Variants in PSTPIP2 observed in about 807,000 individuals in gnomAD.
PSTPIP2 encodes the protein proline-serine-threonine phosphatase-interacting protein 2.
In PSTPIP2, 33 loss-of-function variants were observed where a neutral mutation model predicts 63.3. The ratio of observed to expected loss-of-function variants is 0.52; its 90% CI spans 0.40 to 0.70. The LOEUF (loss-of-function observed/expected upper bound fraction) is 0.70. Ranked by LOEUF, PSTPIP2 falls within the 30% of genes least tolerant of loss-of-function variation. PSTPIP2 has a pLI of 0.00. For missense variants in PSTPIP2, 312 were observed against 400.7 expected (o/e 0.78, Z 1.89); for synonymous variants, 125 against 132.7 (o/e 0.94, Z 0.40).
chr18:46,027,306 AAAT>A (rs869288428), intron 2 of PSTPIP2, among the ~76,000 whole-genome samples: 1 of 45,718 alleles, frequency 2.2e-5, no homozygotes, highest in East Asian at 4.8e-4. Context: ...AAAAATAAAT[AAAT>A]AAATAAATAA....
chr18:46,070,762 C>G (rs1212156792), intron 1 of PSTPIP2, among the ~76,000 whole-genome samples: 1 of 152,146 alleles, frequency 6.6e-6, no homozygotes, highest in African/African-American at 2.4e-5. Flanking sequence ...TCAAGCAATC[C>G]TCCTACCTCG....
chr18:46,029,096 A>G (rs1249544234), intron 2 of PSTPIP2: 4 of 818,538 alleles, frequency 4.9e-6, no homozygotes. Flanking sequence ...AAAGGTTTCC[A>G]AACTGTAAGG....
chr18:46,005,415 G>A, intron 6 of PSTPIP2, 54 bp downstream of exon 6: 1 of 1,407,860 alleles, frequency 7.1e-7, no homozygotes, highest in Non-Finnish European at 9.9e-7. Context: ...ACACAGCACA[G>A]GATTTCAGAA....
chr18:46,000,981 G>A, intron 6 of PSTPIP2, among the ~76,000 whole-genome samples: 1 of 152,136 alleles, frequency 6.6e-6, no homozygotes, highest in East Asian at 1.9e-4. Flanking sequence ...ATACACAATG[G>A]AACACTACTC....
chr18:46,058,171 C>A (rs1286451203), intron 1 of PSTPIP2, among the ~76,000 whole-genome samples: 1 of 151,994 alleles, frequency 6.6e-6, no homozygotes, highest in Admixed American at 6.6e-5. Context: ...TAGACAATTA[C>A]ACTTGCCTAC....
At chr18:46,016,067 G>C (rs1297814338) in intron 3 of PSTPIP2, 130 bp from the exon 4 acceptor site, 1 of 1,021,250 alleles carries the variant, frequency 9.8e-7, no homozygotes, top group African/African-American at 1.6e-5. Context: ...TTGCCCATGA[G>C]CTAGAGAGAC....
rs1018917978 is a variant in PSTPIP2, at chr18:46,032,122, T to G, written c.135-7436A>C. Among the ~76,000 whole-genome samples the G allele has an allele frequency of 5.3e-5, 8 of 152,330 alleles. No homozygotes were observed. The South Asian group carries it at 1.4e-3, about 28-fold the overall frequency. On this transcript the variant is annotated intron_variant, in intron 2 of 14. Transcript: ENST00000409746. Reference sequence around the variant, plus strand: ...CCTATCTGAATTTTTCTGTCTCATCTGATCATCAATTTGTCATTTACTGAA... The same window carrying G: ...CCTATCTGAATTTTTCTGTCTCATCGGATCATCAATTTGTCATTTACTGAA...
chr18:46,041,633 G>A (rs1239384748), intron 1 of PSTPIP2, among the ~76,000 whole-genome samples: 1 of 152,158 alleles, frequency 6.6e-6, no homozygotes, highest in Non-Finnish European at 1.5e-5. Context: ...AGTAGCCTCA[G>A]ATGCAGTACA....
intron 1 of PSTPIP2, among the ~76,000 whole-genome samples, chr18:46,056,533 T>G (rs1908761074): frequency 6.6e-6 from 1 of 151,962 alleles, no homozygotes; most frequent in Non-Finnish European, 1.5e-5. Flanking sequence ...TTGAGACTAG[T>G]CTGGGCCACA....
At chr18:46,023,725 A>G (rs910176496) in intron 3 of PSTPIP2, among the ~76,000 whole-genome samples, 12 of 152,008 alleles carry the variant, frequency 7.9e-5, no homozygotes, top group African/African-American at 2.4e-4. Flanking sequence ...ACCTCTGGGC[A>G]TCTCTGCTAT....
intron 1 of PSTPIP2, among the ~76,000 whole-genome samples, chr18:46,040,545 G>T (rs571838471): frequency 6.6e-6 from 1 of 152,194 alleles, no homozygotes; most frequent in African/African-American, 2.4e-5. Context: ...CCTCATTCCT[G>T]CCTTTAAAAA....
chr18:45,984,625 C>T lies in PSTPIP2; in HGVS notation c.*834G>A, dbSNP rs955929980. The T allele has an allele frequency of 7.2e-5, 11 of 152,124 alleles. No individual in the cohort carries two copies. Among genetic ancestry groups the T allele is most frequent in the East Asian group, 5.8e-4 (3 of 5,204 alleles). 9.4% of individuals were successfully genotyped at this position (152,124 alleles called of 1,614,324 possible). ...TGTCCCAAGTTTATTGGCAACTCCTCGACCCCACCTTCTTAGTGCAACATA... is the reference window on the plus strand; with the variant it reads ...TGTCCCAAGTTTATTGGCAACTCCTTGACCCCACCTTCTTAGTGCAACATA... On this transcript the variant is annotated 3_prime_UTR_variant, in exon 15 of 15. Transcript: ENST00000409746.
intron 6 of PSTPIP2, among the ~76,000 whole-genome samples, chr18:46,003,544 GA>G (rs2051692032): frequency 6.6e-6 from 1 of 152,112 alleles, no homozygotes; most frequent in African/African-American, 2.4e-5. Flanking sequence ...CTTTTGGTTA[GA>G]GAGAACAGGT....
Position 46,005,509 on chromosome 18 carries a change from A to C in PSTPIP2, c.377T>G (p.Ile126Ser), listed in dbSNP as rs1353276219. ...GAATTGTAAGCTCTTTTGTTTATGG[A>C]TAGCATCCATTATGAGCTCTGTCTG... ...RKKTELIMDA[I>S]HKQKSLQFKK... Residue 126 changes from isoleucine to serine, a missense_variant, in exon 6 of 15, where the codon ATC (isoleucine) becomes AGC (serine). Ile to Ser is a moderately radical substitution (Grantham distance 142). Transcript: ENST00000409746. The C allele has an allele frequency of 6.3e-7, 1 of 1,599,706 alleles. No homozygotes were observed.
In PSTPIP2 at chr18:46,024,643, AGAGGTT is replaced by A; in HGVS notation, c.172_177del (p.Asn58_Leu59del). ...GACTGTCCACACGGCTTCTTCCTAGAGAGGTTGAGCAGATCTTTGCCATACCTCTCT... is the reference window on the plus strand; with the variant it reads ...GACTGTCCACACGGCTTCTTCCTAGAGAGCAGATCTTTGCCATACCTCTCT... On this transcript the variant is annotated inframe_deletion, in exon 3 of 15. Coordinates refer to ENST00000409746, the MANE Select transcript of PSTPIP2 (RefSeq NM_024430.4). 6.2e-7 allele frequency: 1 copy of A among 1,614,152 alleles called. No homozygotes were observed. Among genetic ancestry groups the A allele is most frequent in the Non-Finnish European group, 8.5e-7 (1 of 1,180,004 alleles).
intron 3 of PSTPIP2, among the ~76,000 whole-genome samples, chr18:46,021,848 CAAAAAAAAAAAAAAAAA>C (rs59094808): frequency 3.0e-5 from 1 of 33,286 alleles, no homozygotes; most frequent in African/African-American, 8.9e-5. Flanking sequence ...GACTCTGTCT[CAAAAAAAAAAAAAAAAA>C]AAAAAAAAAA....
At chr18:46,029,438 A>T (rs1044013540) in intron 2 of PSTPIP2, 24 of 1,371,712 alleles carry the variant, frequency 1.7e-5, no homozygotes, top group Non-Finnish European at 2.3e-5. Context: ...TTGGGATGTG[A>T]ACTCAAGGAG....
chr18:46,045,837 C>T (rs1200777825), intron 1 of PSTPIP2, among the ~76,000 whole-genome samples: 1 of 152,176 alleles, frequency 6.6e-6, no homozygotes, highest in Non-Finnish European at 1.5e-5. Flanking sequence ...AGTCCCAGCT[C>T]CTCAGGAGGC....
At chr18:46,056,796 T>C (rs1908771258) in intron 1 of PSTPIP2, among the ~76,000 whole-genome samples, 2 of 151,922 alleles carry the variant, frequency 1.3e-5, no homozygotes, top group Admixed American at 1.3e-4. Flanking sequence ...TTTTAAAATA[T>C]TACATTAAAG....
Sources: gnomAD v4.1 joint callset for allele counts (sites outside exome capture counted in the v4.1 genomes callset) on GRCh38, gnomAD v4.1.1 for gene constraint, MANE v1.5 for transcripts, NCBI Gene and HGNC (gene_info 2026-07-23, HGNC 2026-07-21) for gene names.